Variants in ZFAND4 observed in about 807,000 individuals in gnomAD.
ZFAND4 encodes the protein AN1-type zinc finger protein 4.
A neutral mutation model predicts 64.4 loss-of-function variants in ZFAND4; 43 were observed. The observed-to-expected ratio is 0.67, with a 90% CI of 0.52 to 0.86. The LOEUF is 0.86. Among genes scored for constraint, ZFAND4 ranks in the 40% least tolerant of loss-of-function variants. The probability of loss-of-function intolerance (pLI) is 0.00; values close to 1 mark genes in which losing one functional copy is unlikely to be tolerated. For synonymous variants in ZFAND4, 296 were observed against 305.7 expected (o/e 0.97, Z 0.33); for missense variants, 929 against 859.8 (o/e 1.08, Z -1.01).
chr10:45,656,177 G>C lies in ZFAND4; in HGVS notation c.185-3118C>G, dbSNP rs149930508. The stretch of plus-strand genomic sequence containing the variant: ...ACCCGGGAGGCGGAGGTTGCAGTGA[G>C]CTGAGATCGCACCACTGCACTCCAG... On this transcript the variant is annotated intron_variant, in intron 2 of 9. Coordinates refer to ENST00000344646, the MANE Select transcript of ZFAND4 (RefSeq NM_174890.4). Among the ~76,000 whole-genome samples, 23 of 152,296 alleles carry C rather than the reference G, an allele frequency of 1.5e-4. No individual in the cohort carries two copies. In the East Asian group the frequency reaches 4.4e-3, roughly 29 times the overall value.
chr10:45,667,379 A>G (rs2048890922), intron 1 of ZFAND4, among the ~76,000 whole-genome samples: 1 of 151,792 alleles, frequency 6.6e-6, no homozygotes, highest in Non-Finnish European at 1.5e-5. Context: ...CGCTCTCTAT[A>G]AAAGCTCTAT....
At chr10:45,664,098 A>C (rs1351915596) in intron 1 of ZFAND4, among the ~76,000 whole-genome samples, 2 of 152,202 alleles carry the variant, frequency 1.3e-5, no homozygotes, top group Non-Finnish European at 2.9e-5. Flanking sequence ...AGTTATATAT[A>C]TAGTACATGC....
At chr10:45,632,542 G>A (rs926089617) in intron 6 of ZFAND4, among the ~76,000 whole-genome samples, 1 of 152,124 alleles carries the variant, frequency 6.6e-6, no homozygotes, top group Non-Finnish European at 1.5e-5. Flanking sequence ...GTAATTAGGA[G>A]TCAAAGGATA....
intron 2 of ZFAND4, among the ~76,000 whole-genome samples, chr10:45,654,153 C>A (rs1013269170): frequency 2.6e-5 from 4 of 152,096 alleles, no homozygotes; most frequent in African/African-American, 9.7e-5. Flanking sequence ...GAACAATAAA[C>A]ACTAGGGACT....
At chr10:45,637,800 A>G (rs567105241) in intron 6 of ZFAND4, among the ~76,000 whole-genome samples, 1 of 152,240 alleles carries the variant, frequency 6.6e-6, no homozygotes, top group South Asian at 2.1e-4. Context: ...AAATTAGAAT[A>G]CAATTAAAAA....
chr10:45,623,662 T>C (rs1033018911), intron 8 of ZFAND4, among the ~76,000 whole-genome samples: 4 of 152,142 alleles, frequency 2.6e-5, no homozygotes, highest in African/African-American at 9.7e-5. Flanking sequence ...GGGAAGAGTG[T>C]TTCAGTTTTG....
At chr10:45,668,341 T>C (rs896981187) in intron 1 of ZFAND4, among the ~76,000 whole-genome samples, 3 of 152,214 alleles carry the variant, frequency 2.0e-5, no homozygotes, top group African/African-American at 7.2e-5. Context: ...CTGAGAGATT[T>C]TGTCACCACC....
At chr10:45,661,295 G>A (rs953981258) in intron 2 of ZFAND4, among the ~76,000 whole-genome samples, 12 of 152,016 alleles carry the variant, frequency 7.9e-5, no homozygotes, top group African/African-American at 2.7e-4. Context: ...GCATGGCTTC[G>A]GCACTCCAGT....
intron 7 of ZFAND4, among the ~76,000 whole-genome samples, 193 bp downstream of exon 7, chr10:45,625,758 C>T (rs2045769745): frequency 6.6e-6 from 1 of 152,068 alleles, no homozygotes. Context: ...TTACTGTTCT[C>T]ATTTCAGGAC....
At chr10:45,668,387 A>G (rs112726544) in intron 1 of ZFAND4, among the ~76,000 whole-genome samples, 7,614 of 152,348 alleles carry the variant, frequency 0.05, 270 homozygotes, top group South Asian at 0.082. Context: ...AGGAAACACT[A>G]AACATGGAAA....
chr10:45,650,537 A>G (rs1272035318), intron 4 of ZFAND4: 1 of 152,000 alleles, frequency 6.6e-6, no homozygotes, highest in Non-Finnish European at 1.5e-5. Flanking sequence ...AGTAAAAAAT[A>G]TATATATTTA....
At chr10:45,624,664 A>T (rs748223827) in intron 7 of ZFAND4, 27 bp from the exon 8 acceptor site, 1 of 1,585,762 alleles carries the variant, frequency 6.3e-7, no homozygotes. Context: ...AAACATCTAT[A>T]GAGGTGAGTC....
In ZFAND4 at chr10:45,626,604, C is replaced by T. The variant is rs745921152; in HGVS notation, c.1219G>A (p.Gly407Arg). 6.2e-7 allele frequency: 1 copy of T among 1,614,182 alleles called. No individual in the cohort carries two copies. The highest frequency in any genetic ancestry group is 2.2e-5 in the East Asian group (1 of 44,886). The part of the protein sequence containing the change: ...KVGSLASFAE[G>R]NADEQSSGLE... ...CCGCTGCTCTGTTCATCAGCATTTC[C>T]TTCTGCAAATGAAGCCAGTGAGCCC... Residue 407 changes from glycine to arginine, a missense_variant, in exon 7 of 10, where the codon GGA (glycine) becomes AGA (arginine). By Grantham distance (125) the Gly-to-Arg change is moderately radical. Transcript: ENST00000344646.
chr10:45,627,346 G>A (rs10793621), intron 6 of ZFAND4, among the ~76,000 whole-genome samples: 34,304 of 151,942 alleles, frequency 0.23, 4,072 homozygotes, highest in South Asian at 0.37. Flanking sequence ...CCTTACTGCT[G>A]TTTCTCAGAG....
At position 45,626,702 on chromosome 10, in the gene ZFAND4, A is replaced by G. The variant is rs2045855513; in HGVS notation, c.1121T>C (p.Leu374Ser). 1.9e-6 allele frequency: 3 copies of G among 1,614,210 alleles called. No individual in the cohort carries two copies. Among genetic ancestry groups the G allele is most frequent in the Non-Finnish European group, 2.5e-6 (3 of 1,180,040 alleles). ...PRQTKHFLGN[L>S]PSSNGNIVLP... ...GACAATGTTCCCATTACTAGATGGC[A>G]AGTTTCCTAAAAAATGTTTTGTTTG... Residue 374 changes from leucine (L) to serine (S), a missense_variant, in exon 7 of 10, where the codon TTG (leucine) becomes TCG (serine). By Grantham distance (145) the Leu-to-Ser change is moderately radical. Coordinates refer to ENST00000344646, the MANE Select transcript of ZFAND4 (RefSeq NM_174890.4).
chr10:45,634,376 A>T (rs1164910292), intron 6 of ZFAND4, among the ~76,000 whole-genome samples: 2 of 152,008 alleles, frequency 1.3e-5, no homozygotes, highest in East Asian at 3.9e-4. Flanking sequence ...TACAAAAATT[A>T]GTTGGGCATG....
intron 1 of ZFAND4, among the ~76,000 whole-genome samples, chr10:45,670,776 C>T (rs1020814638): frequency 2.0e-5 from 3 of 152,120 alleles, no homozygotes; most frequent in African/African-American, 7.2e-5. Flanking sequence ...GGCATGAGCA[C>T]GGACTTCATG....
chr10:45,660,175 A>AG (rs1369779792), intron 2 of ZFAND4, among the ~76,000 whole-genome samples: 18 of 151,740 alleles, frequency 1.2e-4, no homozygotes, highest in East Asian at 7.8e-4. Flanking sequence ...AAAAAAAAAA[A>AG]AAAGAAAAAT....
intron 2 of ZFAND4, among the ~76,000 whole-genome samples, chr10:45,660,368 C>T (rs2048391585): frequency 6.6e-6 from 1 of 151,732 alleles, no homozygotes; most frequent in African/African-American, 2.4e-5. Context: ...ATAAACTTGG[C>T]AAAACGGACT....
Sources: gnomAD v4.1 joint callset for allele counts (sites outside exome capture counted in the v4.1 genomes callset) on GRCh38, gnomAD v4.1.1 for gene constraint, MANE v1.5 for transcripts, NCBI Gene and HGNC (gene_info 2026-07-23, HGNC 2026-07-21) for gene names.